The following XKR9 variants were observed in gnomAD, a reference collection of about 807,000 sequenced individuals.
The protein encoded by XKR9 is XK-related protein 9.
XKR9 carries 32 observed loss-of-function variants against 32.0 expected under a neutral mutation model. That is an observed-to-expected ratio of 1.00 (90% CI 0.76 to 1.34). The LOEUF (loss-of-function observed/expected upper bound fraction) is 1.34, where lower values mean the gene tolerates loss of function less well. Among genes scored for constraint, XKR9 ranks in the 40% most tolerant of loss-of-function variants. The pLI is 0.00. For missense variants in XKR9, 546 were observed against 429.7 expected, an observed-to-expected ratio of 1.27 and a Z score of -2.39; for synonymous variants, 168 against 143.4, an observed-to-expected ratio of 1.17 and a Z score of -1.22.
chr8:70,933,329 G>A, the XKR9 span, among the ~76,000 whole-genome samples: 2 of 152,086 alleles, frequency 1.3e-5, no homozygotes, highest in Middle Eastern at 3.2e-3. Context: ...AACAATGATG[G>A]AAACCCAAAG....
In XKR9 at chr8:70,707,124, T is replaced by A. The variant is rs1014093777; in HGVS notation, c.464T>A (p.Leu155Gln). 11 of 1,613,110 alleles carry A rather than the reference T, an allele frequency of 6.8e-6. No homozygotes were observed. In the Admixed American group the frequency reaches 1.8e-4, roughly 27 times the overall value. The change falls in exon 4 of 5, where the codon CTG becomes CAG. Residue 155 changes from leucine to glutamine, a missense_variant. Leu to Gln is a moderately radical substitution (Grantham distance 113, BLOSUM62 -2). Coordinates refer to ENST00000408926, the MANE Select transcript of XKR9 (RefSeq NM_001011720.2). ...PQLILQLYIL[L>Q]EHGQANFSQY... is the part of the protein sequence containing the mutation. The stretch of plus-strand genomic sequence containing the variant: ...CTTATTCTTCAACTCTACATTCTTC[T>A]GGAGCATGGACAAGCGAATTTCAGT...
the XKR9 span, among the ~76,000 whole-genome samples, chr8:70,950,902 G>A: frequency 1.3e-5 from 2 of 152,106 alleles, no homozygotes; most frequent in African/African-American, 4.8e-5. Context: ...TTGAACTCCT[G>A]ACCTCGAGTG....
intron 2 of XKR9, among the ~76,000 whole-genome samples, chr8:70,760,565 G>A (rs554812285): frequency 5.9e-5 from 9 of 152,238 alleles, no homozygotes; most frequent in African/African-American, 2.2e-4. Context: ...AGCATCAAGT[G>A]ATCCTCCTGC....
At chr8:70,719,979 C>G (rs945834387) in intron 4 of XKR9, among the ~76,000 whole-genome samples, 2 of 152,076 alleles carry the variant, frequency 1.3e-5, no homozygotes, top group African/African-American at 4.8e-5. Flanking sequence ...TTTCCTTGAA[C>G]AGTGGTTTGT....
the XKR9 span, among the ~76,000 whole-genome samples, chr8:71,065,214 C>G: frequency 3.3e-5 from 5 of 152,196 alleles, no homozygotes; most frequent in African/African-American, 1.2e-4. Context: ...GTCCTAACCC[C>G]CAATGTGACT....
the XKR9 span, among the ~76,000 whole-genome samples, chr8:70,944,507 A>G: frequency 6.6e-6 from 1 of 152,230 alleles, no homozygotes; most frequent in Admixed American, 6.5e-5. Context: ...TACTGCAGCT[A>G]GGGATCATCT....
chr8:71,061,898 AG>A, the XKR9 span, among the ~76,000 whole-genome samples: 1 of 152,234 alleles, frequency 6.6e-6, no homozygotes, highest in Admixed American at 6.5e-5. Flanking sequence ...GAACTCTTAT[AG>A]TCATCGCTCT....
the XKR9 span, among the ~76,000 whole-genome samples, chr8:70,802,231 C>T: frequency 1.4e-4 from 21 of 152,090 alleles, no homozygotes; most frequent in South Asian, 4.1e-4. Flanking sequence ...CCACCGCGCC[C>T]GGCCCTTCTT....
chr8:70,694,095 G>T (rs1805172040), intron 3 of XKR9, among the ~76,000 whole-genome samples: 1 of 137,358 alleles, frequency 7.3e-6, no homozygotes, highest in South Asian at 2.8e-4. Context: ...GCCCGGTCCA[G>T]TCCTAGACAC....
the XKR9 span, among the ~76,000 whole-genome samples, chr8:70,950,144 G>A: frequency 6.6e-6 from 1 of 152,140 alleles, no homozygotes; most frequent in East Asian, 1.9e-4. Context: ...ACCCTAGTAT[G>A]CCCCAGACAC....
At chr8:70,952,037 A>G in the XKR9 span, among the ~76,000 whole-genome samples, 1 of 152,160 alleles carries the variant, frequency 6.6e-6, no homozygotes, top group Non-Finnish European at 1.5e-5. Flanking sequence ...ACACATGTGG[A>G]TAGATTAAGG....
chr8:70,796,346 T>A, the XKR9 span, among the ~76,000 whole-genome samples: 8 of 152,126 alleles, frequency 5.3e-5, no homozygotes, highest in Non-Finnish European at 5.9e-5. Context: ...ATTATCTAAG[T>A]TATCTAATTT....
chr8:71,053,963 G>A, the XKR9 span, among the ~76,000 whole-genome samples: 3 of 152,184 alleles, frequency 2.0e-5, no homozygotes, highest in Non-Finnish European at 2.9e-5. Flanking sequence ...CAGGCATTTT[G>A]TTCAACAGTC....
At chr8:70,814,899 C>T in the XKR9 span, among the ~76,000 whole-genome samples, 2,054 of 152,272 alleles carry the variant, frequency 0.013, 62 homozygotes, top group African/African-American at 0.047. Flanking sequence ...AGTAAAGTTT[C>T]TGTATATAAA....
the XKR9 span, among the ~76,000 whole-genome samples, chr8:70,987,511 C>A: frequency 2.0e-5 from 3 of 152,240 alleles, no homozygotes; most frequent in Non-Finnish European, 4.4e-5. Context: ...GGTTCCATAT[C>A]TCACATCCAG....
the XKR9 span, among the ~76,000 whole-genome samples, chr8:70,970,651 T>C: frequency 6.6e-6 from 1 of 152,338 alleles, no homozygotes; most frequent in South Asian, 2.1e-4. Context: ...CATGAACTCA[T>C]CCTTTTTTAT....
the XKR9 span, among the ~76,000 whole-genome samples, chr8:70,894,966 T>C: frequency 1.3e-5 from 2 of 152,096 alleles, no homozygotes; most frequent in African/African-American, 2.4e-5. Context: ...AATTCCAAGA[T>C]GGTGTAGTGC....
rs1200807149 is a variant in XKR9 at position 70,735,932 on chromosome 8, A to G, written c.*1508A>G. ...AGTGCTGCAATAAACATACGTGTGC[A>G]TGTGTCTTTATAGCAGCATGATTTA... On this transcript the variant is annotated 3_prime_UTR_variant, in exon 5 of 5. Coordinates refer to ENST00000408926, the MANE Select transcript of XKR9 (RefSeq NM_001011720.2). The G allele has an allele frequency of 6.6e-6, 1 of 151,910 alleles. No individual in the cohort carries two copies. Among genetic ancestry groups the G allele is most frequent in the African/African-American group, 2.4e-5 (1 of 41,328 alleles). The allele number at this position is 151,910 out of a possible 1,614,324, so 9.4% of individuals were successfully genotyped here. A position where few individuals can be genotyped will look rare whatever the true frequency, so the allele number is the denominator to read the frequency against.
At chr8:71,021,498 C>CTTTTTTTT in the XKR9 span, among the ~76,000 whole-genome samples, 6 of 101,418 alleles carry the variant, frequency 5.9e-5, no homozygotes, top group Middle Eastern at 6.8e-3. Flanking sequence ...TTGATGGTTT[C>CTTTTTTTT]TTTTTTTTTT....
Sources: allele counts gnomAD v4.1 joint callset (sites outside exome capture counted in the v4.1 genomes callset), GRCh38; gene constraint gnomAD v4.1.1; transcripts MANE v1.5; gene names NCBI Gene and HGNC (gene_info 2026-07-23, HGNC 2026-07-21).